Variants in EEF1AKMT1 observed in about 807,000 individuals in gnomAD.
EEF1AKMT1 encodes N-6 adenine-specific DNA methyltransferase 2 (putative).
Under a neutral mutation model 21.0 loss-of-function variants are expected in EEF1AKMT1, and 18 were observed. That is an observed-to-expected ratio of 0.86 (90% CI 0.59 to 1.27). The LOEUF (loss-of-function observed/expected upper bound fraction) is 1.27. EEF1AKMT1 is among the 50% of genes most tolerant of loss of function. The pLI is 0.00. For synonymous variants in EEF1AKMT1, 109 were observed against 94.8 expected (o/e 1.15, Z -0.87); for missense variants, 246 against 258.6 (o/e 0.95, Z 0.33).
intron 2 of EEF1AKMT1, among the ~76,000 whole-genome samples, chr13:20,739,156 C>T (rs973028501): frequency 5.3e-5 from 8 of 151,778 alleles, no homozygotes; most frequent in African/African-American, 7.3e-5. Flanking sequence ...TTGGTAGTTC[C>T]TCCCATCCGA....
At chr13:20,768,153 T>C (rs1299803380) in intron 1 of EEF1AKMT1, among the ~76,000 whole-genome samples, 2 of 152,264 alleles carry the variant, frequency 1.3e-5, no homozygotes, top group African/African-American at 4.8e-5. Context: ...TCTTGCTTTT[T>C]CACATGTCTG....
At chr13:20,769,471 C>G (rs554600127) in intron 1 of EEF1AKMT1, 3 of 152,052 alleles carry the variant, frequency 2.0e-5, no homozygotes, top group Admixed American at 6.6e-5. Flanking sequence ...TTCTTTTATC[C>G]CTTCGGGAAG....
At chr13:20,752,797 C>T (rs1320231488) in intron 2 of EEF1AKMT1, among the ~76,000 whole-genome samples, 1 of 151,738 alleles carries the variant, frequency 6.6e-6, no homozygotes, top group African/African-American at 2.4e-5. Flanking sequence ...GTAATGTCCC[C>T]TTTATTTCTG....
chr13:20,730,011 C>A (rs901382454), intron 4 of EEF1AKMT1, among the ~76,000 whole-genome samples: 1 of 152,268 alleles, frequency 6.6e-6, no homozygotes, highest in Admixed American at 6.5e-5. Flanking sequence ...CACTGGGGGC[C>A]TCCTGCCCCG....
chr13:20,768,501 C>T (rs1232840342), intron 1 of EEF1AKMT1, among the ~76,000 whole-genome samples: 3 of 152,184 alleles, frequency 2.0e-5, no homozygotes, highest in African/African-American at 7.2e-5. Flanking sequence ...TCCCTATCTT[C>T]CAGTAGTTTC....
chr13:20,770,671 C>T (rs1595033916), intron 1 of EEF1AKMT1, among the ~76,000 whole-genome samples: 1 of 152,214 alleles, frequency 6.6e-6, no homozygotes, highest in Non-Finnish European at 1.5e-5. Flanking sequence ...GAGTTCTTTT[C>T]ATTCAGGAGA....
At chr13:20,735,878 A>G (rs1473067917) in intron 3 of EEF1AKMT1, among the ~76,000 whole-genome samples, 1 of 152,208 alleles carries the variant, frequency 6.6e-6, no homozygotes, top group Non-Finnish European at 1.5e-5. Context: ...GCTGCAGACA[A>G]TTCCAAGCAT....
chr13:20,734,343 C>T (rs771150215), intron 3 of EEF1AKMT1, among the ~76,000 whole-genome samples: 4 of 152,110 alleles, frequency 2.6e-5, no homozygotes, highest in African/African-American at 4.8e-5. Context: ...TACCAGGCAG[C>T]AGTGGGATCA....
chr13:20,741,744 G>A (rs547780641), intron 2 of EEF1AKMT1, among the ~76,000 whole-genome samples: 12 of 152,092 alleles, frequency 7.9e-5, no homozygotes, highest in South Asian at 4.1e-4. Context: ...GTGAGCCACC[G>A]CGCCCAGCCT....
At chr13:20,764,906 CACACACACACA>C (rs1241743145) in intron 1 of EEF1AKMT1, among the ~76,000 whole-genome samples, 87 of 150,786 alleles carry the variant, frequency 5.8e-4, no homozygotes, top group Middle Eastern at 3.5e-3. Flanking sequence ...CACACACACA[CACACACACACA>C]CCCTAATTTT....
At chr13:20,772,107 T>C (rs894353404) in intron 1 of EEF1AKMT1, among the ~76,000 whole-genome samples, 9 of 151,958 alleles carry the variant, frequency 5.9e-5, no homozygotes, top group African/African-American at 2.2e-4. Flanking sequence ...TCTAAGGGGG[T>C]TTATGAGATT....
chr13:20,748,326 C>T (rs1039705397), intron 2 of EEF1AKMT1, among the ~76,000 whole-genome samples: 18 of 151,916 alleles, frequency 1.2e-4, no homozygotes, highest in Admixed American at 3.9e-4. Context: ...GTCCCAGCTA[C>T]TCAGGAGGTG....
intron 2 of EEF1AKMT1, among the ~76,000 whole-genome samples, chr13:20,739,003 T>C (rs752815290): frequency 5.9e-5 from 9 of 152,190 alleles, no homozygotes; most frequent in East Asian, 1.9e-4. Context: ...TTAAAGATAG[T>C]GTGCCCAGAG....
chr13:20,732,547 G>C (rs149631511), intron 3 of EEF1AKMT1, among the ~76,000 whole-genome samples: 1 of 152,130 alleles, frequency 6.6e-6, no homozygotes, highest in South Asian at 2.1e-4. Context: ...TGGCTAGGCT[G>C]GTCTTGAACT....
At chr13:20,758,581 A>G (rs994109075) in intron 1 of EEF1AKMT1, among the ~76,000 whole-genome samples, 4 of 152,156 alleles carry the variant, frequency 2.6e-5, no homozygotes, top group African/African-American at 4.8e-5. Context: ...TGGTCGACAT[A>G]AGAGTAGATC....
chr13:20,751,110 T>C (rs1228703831), intron 2 of EEF1AKMT1, among the ~76,000 whole-genome samples: 1 of 152,230 alleles, frequency 6.6e-6, no homozygotes, highest in Non-Finnish European at 1.5e-5. Context: ...TCAAATATTT[T>C]ACACATCTCA....
At chr13:20,773,062 C>A (rs181824735) in intron 1 of EEF1AKMT1, among the ~76,000 whole-genome samples, 1 of 152,164 alleles carries the variant, frequency 6.6e-6, no homozygotes, top group African/African-American at 2.4e-5. Flanking sequence ...ATCCAATTTA[C>A]GTCCAGAAAA....
At chr13:20,767,755 A>C (rs2059042950) in intron 1 of EEF1AKMT1, among the ~76,000 whole-genome samples, 3 of 152,134 alleles carry the variant, frequency 2.0e-5, no homozygotes, top group Admixed American at 2.0e-4. Flanking sequence ...CTTCCCTTTC[A>C]GGGACTCCAA....
chr13:20,766,069 G>A (rs2059029752), intron 1 of EEF1AKMT1, among the ~76,000 whole-genome samples: 1 of 151,868 alleles, frequency 6.6e-6, no homozygotes, highest in African/African-American at 2.4e-5. Flanking sequence ...GGAGGCCAAG[G>A]TGGGCAGATC....
Sources: allele counts gnomAD v4.1 joint callset (sites outside exome capture counted in the v4.1 genomes callset), GRCh38; gene constraint gnomAD v4.1.1; transcripts MANE v1.5; gene names NCBI Gene and HGNC (gene_info 2026-07-23, HGNC 2026-07-21).